STAB2: variants seen among roughly 807,000 people sequenced by gnomAD.
STAB2 encodes stabilin-2.
A neutral mutation model predicts 338.1 loss-of-function variants in STAB2; 288 were observed. The ratio of observed to expected loss-of-function variants is 0.85; its 90% confidence interval spans 0.77 to 0.94. STAB2 has a LOEUF of 0.94. Among genes scored for constraint, STAB2 ranks in the 40% least tolerant of loss-of-function variants. The pLI, the probability that STAB2 is intolerant of heterozygous loss-of-function variation, is 0.00. For synonymous variants in STAB2, 1,202 were observed against 1,193.3 expected, an observed-to-expected ratio of 1.01 and a Z score of -0.15; for missense variants, 3,141 against 3,210.1, an observed-to-expected ratio of 0.98 and a Z score of 0.52.
At chr12:103,601,012 A>G (rs557207751) in intron 3 of STAB2, among the ~76,000 whole-genome samples, 22 of 152,372 alleles carry the variant, frequency 1.4e-4, no homozygotes, top group Admixed American at 6.5e-4. Flanking sequence ...TGTAAAATCT[A>G]TGCAAAATAT....
intron 68 of STAB2, 41 bp downstream of exon 68, chr12:103,763,649 T>A: frequency 6.5e-7 from 1 of 1,532,146 alleles, no homozygotes; most frequent in Non-Finnish European, 9.0e-7. Flanking sequence ...TCCCTTGGGG[T>A]ACAGGGGAAT....
chr12:103,667,532 A>AT (rs148289818), intron 19 of STAB2, among the ~76,000 whole-genome samples: 2,543 of 152,284 alleles, frequency 0.017, 32 homozygotes, highest in Middle Eastern at 0.027. Flanking sequence ...CAGCCCAGGG[A>AT]AAGAGAAGGA....
chr12:103,596,423 C>T (rs1459881512), intron 3 of STAB2, among the ~76,000 whole-genome samples: 1 of 152,206 alleles, frequency 6.6e-6, no homozygotes, highest in Non-Finnish European at 1.5e-5. Flanking sequence ...CCACCATTTA[C>T]TGGTTGGGGC....
chr12:103,692,804 A>G lies in STAB2; in HGVS notation c.3298-8A>G, dbSNP rs184705407. On this transcript the variant is annotated splice_polypyrimidine_tract_variant and splice_region_variant and intron_variant, in intron 30 of 68. Transcript: ENST00000388887. ...GACTCATCTTCCCACTGTGGTTTGC[A>G]TTTACAGAATATCACAATTGAAGGG... The G allele has an allele frequency of 1.9e-4, 303 of 1,612,532 alleles. No individual in the cohort carries two copies. In the African/African-American group the frequency reaches 3.4e-3, roughly 18 times the overall value.
chr12:103,688,295 A>G, intron 28 of STAB2, 80 bp downstream of exon 28: 2 of 1,397,388 alleles, frequency 1.4e-6, no homozygotes, highest in Non-Finnish European at 2.0e-6. Context: ...AAAACCGAAA[A>G]TGCAGCTGGT....
intron 3 of STAB2, among the ~76,000 whole-genome samples, chr12:103,617,425 C>T (rs1957227671): frequency 1.3e-5 from 2 of 152,184 alleles, no homozygotes; most frequent in Non-Finnish European, 2.9e-5. Flanking sequence ...AACTATCATT[C>T]GTTAAGCACC....
At chr12:103,592,083 A>C (rs1036786007) in intron 2 of STAB2, 1 of 152,172 alleles carries the variant, frequency 6.6e-6, no homozygotes, top group African/African-American at 2.4e-5. Flanking sequence ...CCCAGCATTA[A>C]CTAACCTAGA....
At chr12:103,668,786 G>A in intron 20 of STAB2, 57 bp downstream of exon 20, 1 of 1,459,658 alleles carries the variant, frequency 6.9e-7, no homozygotes, top group Non-Finnish European at 9.2e-7. Context: ...CAGCTCCAGG[G>A]CCATGCTCTT....
chr12:103,594,598 A>C, intron 3 of STAB2, 88 bp downstream of exon 3: 1 of 1,040,860 alleles, frequency 9.6e-7, no homozygotes, highest in South Asian at 1.3e-5. Flanking sequence ...CAATAAAAAG[A>C]AGAATGTTAA....
At chr12:103,610,207 G>A (rs1957099986) in intron 3 of STAB2, among the ~76,000 whole-genome samples, 1 of 152,042 alleles carries the variant, frequency 6.6e-6, no homozygotes, top group Admixed American at 6.5e-5. Flanking sequence ...CTCATAAAAT[G>A]AGTTAGGGAG....
chr12:103,676,196 G>A (rs1428887981), intron 24 of STAB2, among the ~76,000 whole-genome samples, 175 bp downstream of exon 24: 1 of 151,676 alleles, frequency 6.6e-6, no homozygotes, highest in African/African-American at 2.4e-5. Flanking sequence ...CGAGTAGCTG[G>A]GATTACAGGC....
chr12:103,755,310 C>G lies in STAB2; in HGVS notation c.6723C>G (p.Tyr2241Ter). 3.1e-6 allele frequency: 5 copies of G among 1,613,946 alleles called. No homozygotes were observed. Among genetic ancestry groups the G allele is most frequent in the Non-Finnish European group, 4.2e-6 (5 of 1,179,994 alleles). Residue 2241 changes from tyrosine (Y) to a stop codon, truncating the protein, a stop_gained, in exon 62 of 69, where the codon TAC becomes TAG. Transcript: ENST00000388887. LOFTEE classifies it high-confidence loss of function. ...TGTCTGTATCCCTGCAGGCCAAGTA[C>G]CACCTGTGCTCAGCAGGCTGGCTGG... ...NQLSYAQKAK[Y>*]HLCSAGWLET...
In STAB2 at chr12:103,758,158, T is replaced by C. The variant is rs962255359; in HGVS notation, c.6988-12T>C. On this transcript the variant is annotated splice_polypyrimidine_tract_variant and intron_variant, in intron 63 of 68. Coordinates refer to ENST00000388887, the MANE Select transcript of STAB2 (RefSeq NM_017564.10). The stretch of plus-strand genomic sequence containing the variant: ...GGGCTGGCCCCTCTGATGACTTCCT[T>C]CTTCTCCCCAGGAAGTGCTGGCCTA... The C allele has an allele frequency of 1.3e-5, 21 of 1,613,880 alleles. No individual in the cohort carries two copies. Among genetic ancestry groups the C allele is most frequent in the East Asian group, 2.2e-5 (1 of 44,886 alleles).
chr12:103,740,890 C>G, intron 55 of STAB2, 134 bp downstream of exon 55: 11 of 1,291,258 alleles, frequency 8.5e-6, no homozygotes, highest in Non-Finnish European at 1.1e-5. Flanking sequence ...GACCCCAGAA[C>G]TCTGAAGAGT....
At chr12:103,687,324 T>A (rs1877516304) in intron 27 of STAB2, among the ~76,000 whole-genome samples, 1 of 151,770 alleles carries the variant, frequency 6.6e-6, no homozygotes, top group Admixed American at 6.6e-5. Context: ...ACTCTGTGTT[T>A]AGAGACATTA....
At chr12:103,588,170 T>C (rs950375356) in intron 1 of STAB2, among the ~76,000 whole-genome samples, 1 of 152,210 alleles carries the variant, frequency 6.6e-6, no homozygotes, top group African/African-American at 2.4e-5. Context: ...TTCTGATCCA[T>C]CAAGAATGAA....
chr12:103,727,091 C>T (rs1203187088), intron 46 of STAB2, among the ~76,000 whole-genome samples, 176 bp from the exon 47 acceptor site: 2 of 152,096 alleles, frequency 1.3e-5, no homozygotes, highest in Non-Finnish European at 2.9e-5. Flanking sequence ...AGAAGAAAAC[C>T]ACACACAATT....
At position 103,731,608 on chromosome 12, in the gene STAB2, C is replaced by A; in HGVS notation, c.5256C>A (p.Gly1752=). The change falls in exon 50 of 69, where the codon GGC becomes GGA. Residue 1752 remains glycine (G), a synonymous_variant. Transcript: ENST00000388887. ...QNLTTLATNN[G]YIKFSNLIQD... ...TTACGACTTTGGCAACAAACAATGG[C>A]TACATCAAATTTAGCAACTTAATAC... 9 of 1,613,838 alleles carry A rather than the reference C, an allele frequency of 5.6e-6. No individual in the cohort carries two copies. Among genetic ancestry groups the A allele is most frequent in the Non-Finnish European group, 5.9e-6 (7 of 1,179,928 alleles).
chr12:103,765,994 T>TA (rs1309222441), intron 68 of STAB2: 1 of 543,002 alleles, frequency 1.8e-6, no homozygotes, highest in Admixed American at 2.4e-5. Context: ...TTAATCCTCC[T>TA]ACCTCCCTGT....
Sources: gnomAD v4.1 joint callset for allele counts (sites outside exome capture counted in the v4.1 genomes callset) on GRCh38, gnomAD v4.1.1 for gene constraint, MANE v1.5 for transcripts, NCBI Gene and HGNC (gene_info 2026-07-23, HGNC 2026-07-21) for gene names.